Variants in TBC1D1 observed in about 807,000 individuals in gnomAD.
The protein encoded by TBC1D1 is TBC1 domain family member 1.
A neutral mutation model predicts 125.6 loss-of-function variants in TBC1D1; 89 were observed. The ratio of observed to expected loss-of-function variants is 0.71; its 90% confidence interval spans 0.60 to 0.85. The LOEUF is 0.85. Ranked by LOEUF, TBC1D1 falls within the 40% of genes least tolerant of loss-of-function variation. The pLI, the probability that TBC1D1 is intolerant of heterozygous loss-of-function variation, is 0.00. For missense variants in TBC1D1, 1,377 were observed against 1,469.2 expected (o/e 0.94, Z 1.03); for synonymous variants, 565 against 564.1 (o/e 1.00, Z -0.02).
At chr4:38,007,283 T>A (rs1048800500) in intron 2 of TBC1D1, among the ~76,000 whole-genome samples, 4 of 152,080 alleles carry the variant, frequency 2.6e-5, no homozygotes, top group Admixed American at 6.6e-5. Context: ...GACGGAGTCT[T>A]GCTCTGTCGC....
At chr4:38,032,412 A>G (rs944092327) in intron 7 of TBC1D1, among the ~76,000 whole-genome samples, 1 of 152,166 alleles carries the variant, frequency 6.6e-6, no homozygotes, top group African/African-American at 2.4e-5. Context: ...TTCTGACATC[A>G]TAGTTTAATT....
intron 10 of TBC1D1, among the ~76,000 whole-genome samples, chr4:38,046,874 G>C (rs1183492077): frequency 6.6e-6 from 1 of 152,104 alleles, no homozygotes; most frequent in Non-Finnish European, 1.5e-5. Flanking sequence ...TGCTACCAGA[G>C]GACTCTCTTT....
chr4:37,999,635 G>A (rs1027387662), intron 2 of TBC1D1, among the ~76,000 whole-genome samples: 5 of 152,136 alleles, frequency 3.3e-5, no homozygotes, highest in African/African-American at 7.2e-5. Flanking sequence ...GGAGACATTT[G>A]GGTTGGATCT....
intron 8 of TBC1D1, among the ~76,000 whole-genome samples, chr4:38,043,211 T>C (rs566662952): frequency 2.6e-5 from 4 of 152,174 alleles, no homozygotes; most frequent in South Asian, 4.2e-4. Flanking sequence ...CGTTTTTTTT[T>C]CTAACGAAAT....
intron 2 of TBC1D1, among the ~76,000 whole-genome samples, chr4:37,936,270 T>C (rs1012397115): frequency 6.6e-6 from 1 of 152,204 alleles, no homozygotes; most frequent in Non-Finnish European, 1.5e-5. Flanking sequence ...AATAATAAAA[T>C]GGAACAATTA....
At chr4:38,016,724 C>G (rs11096920) in intron 3 of TBC1D1, among the ~76,000 whole-genome samples, 3,713 of 152,276 alleles carry the variant, frequency 0.024, 67 homozygotes, top group South Asian at 0.074. Context: ...GCACTGAAAA[C>G]AAGGAAGGAT....
intron 12 of TBC1D1, among the ~76,000 whole-genome samples, chr4:38,086,725 G>A (rs1300933329): frequency 6.6e-6 from 1 of 152,188 alleles, no homozygotes; most frequent in Non-Finnish European, 1.5e-5. Context: ...AGGGTTGCAT[G>A]AGGAAATAGA....
chr4:38,104,963 G>A (rs1761034899), intron 15 of TBC1D1, among the ~76,000 whole-genome samples: 1 of 152,036 alleles, frequency 6.6e-6, no homozygotes. Flanking sequence ...CACCGTGTTA[G>A]CCAGGATGGT....
At chr4:38,018,594 G>A in intron 4 of TBC1D1, 151 bp downstream of exon 4, 3 of 507,644 alleles carry the variant, frequency 5.9e-6, no homozygotes, top group South Asian at 3.7e-5. Context: ...TCTTTGCTTT[G>A]GTATGTTAAG....
At chr4:38,006,194 C>T (rs1204938828) in intron 2 of TBC1D1, among the ~76,000 whole-genome samples, 3 of 151,652 alleles carry the variant, frequency 2.0e-5, no homozygotes, top group Non-Finnish European at 4.4e-5. Context: ...TTTGGAATTC[C>T]AGGAGGCTTT....
At chr4:37,993,757 T>C (rs1249210836) in intron 2 of TBC1D1, among the ~76,000 whole-genome samples, 1 of 152,220 alleles carries the variant, frequency 6.6e-6, no homozygotes, top group Non-Finnish European at 1.5e-5. Flanking sequence ...AATTTTTGTA[T>C]TTTTAGTAGA....
intron 7 of TBC1D1, among the ~76,000 whole-genome samples, chr4:38,029,460 C>T (rs1745721567): frequency 6.6e-6 from 1 of 152,180 alleles, no homozygotes; most frequent in South Asian, 2.1e-4. Context: ...CTCTGCTTCC[C>T]GGGTTCAAGC....
At chr4:38,042,134 C>A (rs1748512565) in intron 8 of TBC1D1, among the ~76,000 whole-genome samples, 1 of 151,990 alleles carries the variant, frequency 6.6e-6, no homozygotes, top group East Asian at 1.9e-4. Context: ...CAAGATCGTA[C>A]CACTGCACTC....
chr4:38,012,250 T>C (rs934650841), intron 2 of TBC1D1, among the ~76,000 whole-genome samples: 2 of 152,300 alleles, frequency 1.3e-5, no homozygotes, highest in East Asian at 1.9e-4. Context: ...TCTTATAAAC[T>C]CCTTTTTGGA....
intron 11 of TBC1D1, among the ~76,000 whole-genome samples, chr4:38,050,851 T>C (rs981325226): frequency 2.6e-5 from 4 of 152,226 alleles, no homozygotes; most frequent in Non-Finnish European, 4.4e-5. Context: ...CTCCCAGCTT[T>C]GTTTTCTGTC....
chr4:37,996,191 C>T (rs2152396594), intron 2 of TBC1D1: 2 of 338,606 alleles, frequency 5.9e-6, no homozygotes, highest in Non-Finnish European at 1.2e-5. Context: ...AGGCACCCAC[C>T]ACAAGGCTTG....
At chr4:38,006,931 G>T in intron 2 of TBC1D1, 1 of 445,726 alleles carries the variant, frequency 2.2e-6, no homozygotes. Flanking sequence ...TGAGTGTGGA[G>T]TAAGTGTTGT....
chr4:37,963,082 G>A (rs1233924078), intron 2 of TBC1D1, among the ~76,000 whole-genome samples: 1 of 152,096 alleles, frequency 6.6e-6, no homozygotes, highest in East Asian at 1.9e-4. Flanking sequence ...CAGGTCCTCT[G>A]CTACAGTCCA....
At chr4:37,942,133 C>T (rs1725691645) in intron 2 of TBC1D1, among the ~76,000 whole-genome samples, 1 of 152,154 alleles carries the variant, frequency 6.6e-6, no homozygotes, top group Non-Finnish European at 1.5e-5. Flanking sequence ...GTGTTAAAGT[C>T]TCCCATTATT....
Sources: allele counts gnomAD v4.1 joint callset (sites outside exome capture counted in the v4.1 genomes callset), GRCh38; gene constraint gnomAD v4.1.1; transcripts MANE v1.5; gene names NCBI Gene and HGNC (gene_info 2026-07-23, HGNC 2026-07-21).